HPS4: variants seen among roughly 807,000 people sequenced by gnomAD.
The protein encoded by HPS4 is BLOC-3 complex member HPS4.
Under a neutral mutation model 70.3 loss-of-function variants are expected in HPS4, and 44 were observed. The observed-to-expected ratio is 0.63, with a 90% confidence interval of 0.49 to 0.80. The LOEUF (loss-of-function observed/expected upper bound fraction) is 0.80, where lower values mean the gene tolerates loss of function less well. HPS4 is among the 30% of genes least tolerant of loss of function. The pLI is 0.00. For missense variants in HPS4, 873 were observed against 884.4 expected (o/e 0.99, Z 0.16); for synonymous variants, 377 against 355.9 (o/e 1.06, Z -0.67).
chr22:26,449,013 G>T (rs544400339), downstream of HPS4, among the ~76,000 whole-genome samples: 1 of 152,276 alleles, frequency 6.6e-6, no homozygotes, highest in African/African-American at 2.4e-5. Context: ...GTTGGGAGAG[G>T]AGTGTGTGTG....
rs758902895 is a variant in HPS4 at position 26,464,615 on chromosome 22, C to A, written c.1015G>T (p.Ala339Ser). ...CCCCTGGCAGAGTTGTGCAGTCCTG[C>A]GGGCCTGATGCTCTCCAGATCATGG... is the stretch of plus-strand genomic sequence containing the variant. Reference protein sequence around the residue: ...SGHDLESIRPAGLHNSARGEV... With the variant: ...SGHDLESIRPSGLHNSARGEV... Residue 339 changes from alanine to serine, a missense_variant, in exon 11 of 14, where the codon GCA (alanine) becomes TCA (serine). Ala to Ser is a moderately conservative substitution (Grantham distance 99). Transcript: ENST00000398145. 1 of 1,614,174 alleles carries A rather than the reference C, an allele frequency of 6.2e-7. No individual in the cohort carries two copies. The highest frequency in any genetic ancestry group is 1.1e-5 in the South Asian group (1 of 91,082).
At chr22:26,453,504 C>T in intron 13 of HPS4, 100 bp from the exon 14 acceptor site, 1 of 1,283,176 alleles carries the variant, frequency 7.8e-7, no homozygotes, top group Non-Finnish European at 1.1e-6. Context: ...GGACCCAGGA[C>T]ACCCAATGTG....
rs758429460 is a variant in HPS4 at position 26,472,354 on chromosome 22, G to A, written c.449C>T (p.Thr150Ile). ...ATTGAAAATCTTATGCAGATCACTG[G>A]TGTTTTTCAGAATTTGCTCGATGAA... ...DTFIEQILKN[T>I]SDLHKIFNSL... The change falls in exon 6 of 14, where the codon ACC (threonine) becomes ATC (isoleucine). Residue 150 changes from threonine (T) to isoleucine (I), a missense_variant. Physicochemically the swap from Thr to Ile is moderately conservative, Grantham distance 89. Coordinates refer to ENST00000398145, the MANE Select transcript of HPS4 (RefSeq NM_022081.6). The A allele has an allele frequency of 1.9e-6, 3 of 1,613,786 alleles. No homozygotes were observed. Among genetic ancestry groups the A allele is most frequent in the Non-Finnish European group, 2.5e-6 (3 of 1,179,680 alleles).
intron 11 of HPS4, among the ~76,000 whole-genome samples, chr22:26,459,794 G>A (rs2086886461): frequency 6.6e-6 from 1 of 152,162 alleles, no homozygotes; most frequent in Non-Finnish European, 1.5e-5. Flanking sequence ...ACATCCAAAA[G>A]TCCTTTGTAA....
chr22:26,474,449 A>C (rs2090258103), intron 4 of HPS4, among the ~76,000 whole-genome samples: 1 of 152,216 alleles, frequency 6.6e-6, no homozygotes. Context: ...TGGATTACAG[A>C]TCTAAATTTA....
chr22:26,462,392 T>G (rs367566449), intron 11 of HPS4, among the ~76,000 whole-genome samples: 77 of 152,070 alleles, frequency 5.1e-4, no homozygotes, highest in Admixed American at 1.2e-3. Flanking sequence ...GAGGCTGGGG[T>G]GGGGAACCAG....
chr22:26,462,811 T>C (rs1162306534), intron 11 of HPS4, among the ~76,000 whole-genome samples: 1 of 152,114 alleles, frequency 6.6e-6, no homozygotes, highest in Non-Finnish European at 1.5e-5. Flanking sequence ...CTCCTAGCTA[T>C]GGTGAATGGG....
chr22:26,465,633 A>G (rs1042711931), intron 9 of HPS4, 82 bp from the exon 10 acceptor site: 1 of 1,150,510 alleles, frequency 8.7e-7, no homozygotes, highest in Non-Finnish European at 1.3e-6. Flanking sequence ...GGCGTGATGC[A>G]TCCAACCCAC....
intron 3 of HPS4, among the ~76,000 whole-genome samples, chr22:26,445,671 C>G (rs950908336): frequency 4.6e-5 from 7 of 152,228 alleles, no homozygotes; most frequent in Non-Finnish European, 1.0e-4. Flanking sequence ...TGTGCAGTAT[C>G]TGGCACATGA....
chr22:26,466,572 C>T, intron 8 of HPS4: 1 of 505,274 alleles, frequency 2.0e-6, no homozygotes, highest in East Asian at 3.7e-5. Flanking sequence ...ATTGAGGATT[C>T]CTGTTCTCTT....
intron 13 of HPS4, among the ~76,000 whole-genome samples, chr22:26,455,087 T>C (rs1214233266): frequency 2.0e-5 from 3 of 151,956 alleles, no homozygotes; most frequent in Non-Finnish European, 4.4e-5. Context: ...AAACAACAGG[T>C]GCTGGAGAGG....
downstream of HPS4, among the ~76,000 whole-genome samples, chr22:26,447,593 T>G (rs1289250052): frequency 1.2e-4 from 18 of 152,150 alleles, no homozygotes; most frequent in Non-Finnish European, 5.9e-5. Flanking sequence ...AAGCACAGAA[T>G]GAGGTTTTTG....
downstream of HPS4, among the ~76,000 whole-genome samples, chr22:26,449,612 C>T (rs1311475106): frequency 6.6e-6 from 1 of 151,480 alleles, no homozygotes; most frequent in Non-Finnish European, 1.5e-5. Flanking sequence ...ATTATACAGG[C>T]GTCACACCGC....
intron 3 of HPS4, among the ~76,000 whole-genome samples, chr22:26,478,239 A>G (rs548870534): frequency 6.6e-6 from 1 of 152,178 alleles, no homozygotes; most frequent in African/African-American, 2.4e-5. Flanking sequence ...CAGGAAAAAA[A>G]AAAGAGAGAG....
rs1465555302 is a variant in HPS4, at chr22:26,458,301, C to A, written c.1846+144G>T. ...GAACGCCACACTCAGTGGGACTGGG[C>A]TCCCGGTGAGAAGAGAGCCCTGAAC... is the stretch of plus-strand genomic sequence containing the variant. On this transcript the variant is annotated intron_variant, in intron 12 of 13. Coordinates refer to ENST00000398145, the MANE Select transcript of HPS4 (RefSeq NM_022081.6). 1.4e-5 allele frequency: 14 copies of A among 1,010,882 alleles called. 1 individual carries two copies. In the Admixed American group the frequency reaches 1.8e-4, roughly 13 times the overall value. The allele number at this position is 1,010,882 out of a possible 1,614,324, so 62.6% of individuals were successfully genotyped here.
Position 26,451,996 on chromosome 22 carries a change from G to GCA in HPS4, c.*1236_*1237insTG, listed in dbSNP as rs886057306. The GCA allele has an allele frequency of 5.7e-4, 23 of 40,448 alleles. No homozygotes were observed. The highest frequency in any genetic ancestry group is 8.3e-4 in the Admixed American group (3 of 3,602). The allele number at this position is 40,448 out of a possible 1,614,324, so 2.5% of individuals were successfully genotyped here. ...GGATGCGCCCACGTTACGCGCGCGC[G>GCA]CGCGCGCGCACACACACACACACAC... On this transcript the variant is annotated 3_prime_UTR_variant, in exon 14 of 14. Transcript: ENST00000398145.
In HPS4 at chr22:26,464,438, T is replaced by G. The variant is rs375655372; in HGVS notation, c.1192A>C (p.Arg398=). 122 of 1,614,198 alleles carry G rather than the reference T, an allele frequency of 7.6e-5. 1 individual carries two copies. In the Admixed American group the frequency reaches 1.0e-3, roughly 13 times the overall value. The stretch of plus-strand genomic sequence containing the variant: ...AGAGATGCCTTGCAGTAAGGAGCCC[T>G]GCCATCTGGAACAGGCACATGTAGG... ...AFLHVPVPDG[R]APYCKASLSA... The change falls in exon 11 of 14, where the codon AGG becomes CGG. Residue 398 remains arginine, a synonymous_variant. Transcript: ENST00000398145.
chr22:26,473,831 T>G (rs1408165045), intron 4 of HPS4, among the ~76,000 whole-genome samples: 1 of 152,220 alleles, frequency 6.6e-6, no homozygotes, highest in Non-Finnish European at 1.5e-5. Flanking sequence ...ATGTAGTAAT[T>G]CTACCTCTAG....
rs745543124 is a variant in HPS4 at position 26,463,920 on chromosome 22, T to C, written c.1710A>G (p.Glu570=). ...GAGAAGGTCTGAGGACACTCACCACTTCCTCTATGGCTGCGCTGTCTCCCA... is the reference window on the plus strand; with the variant it reads ...GAGAAGGTCTGAGGACACTCACCACCTCCTCTATGGCTGCGCTGTCTCCCA... The part of the protein sequence containing the change: ...PLLGDSAAIE[E]VYHSSLASLN... The change falls in exon 11 of 14, where the codon GAA becomes GAG. Residue 570 remains glutamate (E), a synonymous_variant. Coordinates refer to ENST00000398145, the MANE Select transcript of HPS4 (RefSeq NM_022081.6). 6.2e-7 allele frequency: 1 copy of C among 1,613,130 alleles called. No individual in the cohort carries two copies. The highest frequency in any genetic ancestry group is 8.5e-7 in the Non-Finnish European group (1 of 1,179,972).
Sources: gnomAD v4.1 joint callset for allele counts (sites outside exome capture counted in the v4.1 genomes callset) on GRCh38, gnomAD v4.1.1 for gene constraint, MANE v1.5 for transcripts, NCBI Gene and HGNC (gene_info 2026-07-23, HGNC 2026-07-21) for gene names.